HAS3: variants seen among roughly 807,000 people sequenced by gnomAD.
The protein encoded by HAS3 is HA synthase 3.
In HAS3, 27 loss-of-function variants were observed where a neutral mutation model predicts 50.3. The ratio of observed to expected loss-of-function variants is 0.54; its 90% CI spans 0.40 to 0.74. HAS3 has a LOEUF of 0.74. HAS3 is among the 30% of genes least tolerant of loss of function. The probability of loss-of-function intolerance (pLI) is 0.00; values close to 1 mark genes in which losing one functional copy is unlikely to be tolerated. For missense variants in HAS3, 517 were observed against 742.8 expected, an observed-to-expected ratio of 0.70 and a Z score of 3.53; for synonymous variants, 339 against 310.9, an observed-to-expected ratio of 1.09 and a Z score of -0.95.
chr16:69,083,849 G>A, the HAS3 span: 22 of 586,416 alleles, frequency 3.8e-5, no homozygotes, highest in Middle Eastern at 4.6e-4. Context: ...GCACTCCCGC[G>A]TTCAGCCTGA....
At chr16:69,111,886 C>G (rs1297278882) in intron 2 of HAS3, among the ~76,000 whole-genome samples, 1 of 152,248 alleles carries the variant, frequency 6.6e-6, no homozygotes, top group Non-Finnish European at 1.5e-5. Flanking sequence ...TGCCATCTCC[C>G]TTTCCTGGCC....
the HAS3 span, among the ~76,000 whole-genome samples, chr16:69,088,081 C>T: frequency 6.6e-6 from 1 of 152,074 alleles, no homozygotes; most frequent in African/African-American, 2.4e-5. Context: ...ATGTAAGAGC[C>T]AGTGTGCCAG....
At chr16:69,118,379 GA>G (rs1567585059), downstream of HAS3, 1 of 1,611,814 alleles carries the variant, frequency 6.2e-7, no homozygotes, top group Non-Finnish European at 8.5e-7. Flanking sequence ...TATGGCAGTA[GA>G]GGATGACCAG....
Position 69,109,643 on chromosome 16 carries a change from G to T in HAS3, c.248G>T (p.Arg83Leu). 6.2e-7 allele frequency: 1 copy of T among 1,610,164 alleles called. No individual in the cohort carries two copies. Among genetic ancestry groups the T allele is most frequent in the Non-Finnish European group, 8.5e-7 (1 of 1,179,624 alleles). ...CAGGCCCTGAAGCTGCCCTCCCCGC[G>T]GCGGGGCTCGGTGGCACTGTGCATT... ...AGQALKLPSP[R>L]RGSVALCIAA... Residue 83 changes from arginine (R) to leucine (L), a missense_variant, in exon 2 of 4, where the codon CGG becomes CTG. Coordinates refer to ENST00000569188, the MANE Select transcript of HAS3 (RefSeq NM_001199280.2). The surrounding 1 kb of genome is among the most constrained non-coding windows in gnomAD (Gnocchi z 5.3).
At chr16:69,093,523 CTTT>C in the HAS3 span, among the ~76,000 whole-genome samples, 13 of 87,456 alleles carry the variant, frequency 1.5e-4, no homozygotes, top group East Asian at 2.0e-3. Flanking sequence ...TACAGTGTAT[CTTT>C]TTTTTTTTTT....
In HAS3 at chr16:69,109,423, C is replaced by T. The variant is rs941239330; in HGVS notation, c.28C>T (p.Arg10Cys). The T allele has an allele frequency of 1.2e-6, 2 of 1,610,142 alleles. No homozygotes were observed. MPVQLTTAL[R>C]VVGTSLFALA... The stretch of plus-strand genomic sequence containing the variant: ...GCCGGTGCAGCTGACGACAGCCCTG[C>T]GTGTGGTGGGCACCAGCCTGTTTGC... The change falls in exon 2 of 4, where the codon CGT (arginine) becomes TGT (cysteine). Residue 10 changes from arginine to cysteine, a missense_variant. Physicochemically the swap from Arg to Cys is radical, Grantham distance 180. Coordinates refer to ENST00000569188, the MANE Select transcript of HAS3 (RefSeq NM_001199280.2). The surrounding 1 kb of genome is among the most constrained non-coding windows in gnomAD (Gnocchi z 5.3).
the HAS3 span, among the ~76,000 whole-genome samples, chr16:69,096,551 A>G: frequency 6.7e-6 from 1 of 149,196 alleles, no homozygotes; most frequent in Non-Finnish European, 1.5e-5. Context: ...AAAAAAAAAA[A>G]AAAAAAAAAA....
At chr16:69,102,898 T>A (rs961105203), upstream of HAS3, among the ~76,000 whole-genome samples, 1 of 152,114 alleles carries the variant, frequency 6.6e-6, no homozygotes, top group Non-Finnish European at 1.5e-5. Context: ...AAGGGATCCT[T>A]CCAAACTGGC....
the HAS3 span, among the ~76,000 whole-genome samples, chr16:69,089,948 C>T: frequency 6.6e-6 from 1 of 152,190 alleles, no homozygotes; most frequent in Non-Finnish European, 1.5e-5. Context: ...CTGATTCTCA[C>T]AACAATCTTG....
At chr16:69,089,633 G>A in the HAS3 span, among the ~76,000 whole-genome samples, 16 of 152,312 alleles carry the variant, frequency 1.1e-4, no homozygotes, top group East Asian at 2.5e-3. Context: ...TACAATACCC[G>A]GTGCTGCCTC....
the HAS3 span, chr16:69,084,593 A>T: frequency 2.0e-5 from 3 of 152,304 alleles, no homozygotes; most frequent in Admixed American, 6.5e-5. Context: ...TTATTTCTTT[A>T]TATGTTTTGG....
rs1960855013 is a variant in HAS3, at chr16:69,107,711, G to C, written c.1-1685G>C. 1 of 985,224 alleles carries C rather than the reference G, an allele frequency of 1.0e-6. No homozygotes were observed. 61.0% of individuals were successfully genotyped at this position (985,224 alleles called of 1,614,324 possible). On this transcript the variant is annotated intron_variant, in intron 1 of 3. Transcript: ENST00000569188. This position sits in a 1 kb window ranked among gnomAD's most constrained non-coding sequence, Gnocchi z 5.5. ...CCTTCAGCATGTAAGCTCCGGAGGG[G>C]AATGGGGGCGCTCCTAGGCTGCGGA...
chr16:69,089,985 T>G, the HAS3 span, among the ~76,000 whole-genome samples: 1 of 152,182 alleles, frequency 6.6e-6, no homozygotes, highest in Non-Finnish European at 1.5e-5. Flanking sequence ...GCTCTTGACA[T>G]CCTCCCTTGG....
At chr16:69,096,387 T>C in the HAS3 span, among the ~76,000 whole-genome samples, 4 of 151,014 alleles carry the variant, frequency 2.6e-5, no homozygotes, top group Non-Finnish European at 1.5e-5. Context: ...TTTTTGACAA[T>C]TAGCCAGGTG....
chr16:69,097,733 G>A, the HAS3 span, among the ~76,000 whole-genome samples: 2 of 152,254 alleles, frequency 1.3e-5, no homozygotes, highest in Admixed American at 6.5e-5. Flanking sequence ...TCCTAGAGCC[G>A]TATTTAGCAT....
the HAS3 span, among the ~76,000 whole-genome samples, chr16:69,090,333 G>T: frequency 2.0e-5 from 3 of 152,164 alleles, no homozygotes; most frequent in Non-Finnish European, 4.4e-5. Flanking sequence ...GCTGCTGTGC[G>T]TATTTGTGTA....
upstream of HAS3, among the ~76,000 whole-genome samples, chr16:69,101,237 GAGGGTAAC>G (rs1960693808): frequency 6.6e-6 from 1 of 152,238 alleles, no homozygotes; most frequent in Admixed American, 6.5e-5. Flanking sequence ...ACAGCAGCTA[GAGGGTAAC>G]AGGCACTTCC....
the HAS3 span, among the ~76,000 whole-genome samples, chr16:69,094,418 G>A: frequency 6.6e-6 from 1 of 152,180 alleles, no homozygotes; most frequent in Admixed American, 6.5e-5. Context: ...CCTAGAGAAA[G>A]GCCAGCCTGA....
the HAS3 span, chr16:69,083,883 A>G: frequency 2.1e-6 from 1 of 475,084 alleles, no homozygotes; most frequent in Non-Finnish European, 3.7e-6. Flanking sequence ...AAGAGAAGAC[A>G]GTTACAGATC....
Sources: allele counts gnomAD v4.1 joint callset (sites outside exome capture counted in the v4.1 genomes callset), GRCh38; gene constraint gnomAD v4.1.1; non-coding constraint Gnocchi (gnomAD v3.1); transcripts MANE v1.5; gene names NCBI Gene and HGNC (gene_info 2026-07-23, HGNC 2026-07-21).